The following ABL2 variants were observed in gnomAD, a reference collection of about 807,000 sequenced individuals.
The protein encoded by ABL2 is ABL proto-oncogene 2, non-receptor tyrosine kinase.
A neutral mutation model predicts 107.7 loss-of-function variants in ABL2; 49 were observed. The ratio of observed to expected loss-of-function variants is 0.45; its 90% confidence interval spans 0.36 to 0.58. The LOEUF (loss-of-function observed/expected upper bound fraction) is 0.58, where lower values mean the gene tolerates loss of function less well. ABL2 is among the 20% of genes least tolerant of loss of function. The pLI is 0.00. For synonymous variants in ABL2, 549 were observed against 548.6 expected (o/e 1.00, Z -0.01); for missense variants, 1,245 against 1,457.0 (o/e 0.85, Z 2.37).
At chr1:179,194,995 C>T (rs745922040) in intron 1 of ABL2, among the ~76,000 whole-genome samples, 7 of 151,958 alleles carry the variant, frequency 4.6e-5, no homozygotes, top group Non-Finnish European at 5.9e-5. Context: ...CATATCAAAA[C>T]GACAATGAGA....
At chr1:179,128,304 A>C (rs535698752) in intron 3 of ABL2, among the ~76,000 whole-genome samples, 145 of 152,230 alleles carry the variant, frequency 9.5e-4, no homozygotes, top group Non-Finnish European at 1.8e-3. Context: ...GTGGATATGC[A>C]TAAGTGCACA....
chr1:179,170,058 A>G (rs913648576), intron 1 of ABL2, among the ~76,000 whole-genome samples: 3 of 152,112 alleles, frequency 2.0e-5, no homozygotes, highest in Non-Finnish European at 4.4e-5. Context: ...ACAACAAAAC[A>G]TGTTTATTTG....
chr1:179,225,900 C>T (rs142969095), intron 1 of ABL2, among the ~76,000 whole-genome samples: 9,052 of 151,606 alleles, frequency 0.06, 376 homozygotes, highest in South Asian at 0.081. Context: ...AAAAATTAGC[C>T]GGGCGTGGTG....
intron 1 of ABL2, among the ~76,000 whole-genome samples, chr1:179,204,563 T>C (rs1193862920): frequency 6.6e-6 from 1 of 151,044 alleles, no homozygotes; most frequent in Non-Finnish European, 1.5e-5. Context: ...CTGGCCAACA[T>C]GGCAAAACCC....
At chr1:179,132,267 C>A (rs1362069167) in intron 2 of ABL2, among the ~76,000 whole-genome samples, 1 of 152,118 alleles carries the variant, frequency 6.6e-6, no homozygotes. Flanking sequence ...GTGGTCCAAG[C>A]CTTTTACGAC....
At chr1:179,180,091 G>C (rs1190354295) in intron 1 of ABL2, among the ~76,000 whole-genome samples, 3 of 151,422 alleles carry the variant, frequency 2.0e-5, no homozygotes, top group Admixed American at 6.6e-5. Flanking sequence ...CTGCACTCCA[G>C]CCTGGGTGAC....
At chr1:179,125,862 G>A (rs1655678908) in intron 4 of ABL2, among the ~76,000 whole-genome samples, 1 of 152,204 alleles carries the variant, frequency 6.6e-6, no homozygotes, top group Non-Finnish European at 1.5e-5. Context: ...TTTATAATGT[G>A]TAAACACACT....
In ABL2 at chr1:179,109,135, T is replaced by G. The variant is rs1197519973; in HGVS notation, c.2132A>C (p.Asn711Thr). 1 of 1,598,250 alleles carries G rather than the reference T, an allele frequency of 6.3e-7. No individual in the cohort carries two copies. The highest frequency in any genetic ancestry group is 8.5e-7 in the Non-Finnish European group (1 of 1,174,132). ...CCCATAGCACTTGGGTGGCACCAGA[T>G]TCGCCTCTTGCTGGGCAGGAGTGAA... ...FSFTPAQQEA[N>T]LVPPKCYGGS... The change falls in exon 12 of 12, where the codon AAT (asparagine) becomes ACT (threonine). Residue 711 changes from asparagine to threonine, a missense_variant. Coordinates refer to ENST00000502732, the MANE Select transcript of ABL2 (RefSeq NM_007314.4).
At chr1:179,213,891 A>G (rs1662420079) in intron 1 of ABL2, among the ~76,000 whole-genome samples, 1 of 152,170 alleles carries the variant, frequency 6.6e-6, no homozygotes, top group Non-Finnish European at 1.5e-5. Context: ...GTGAGCTATG[A>G]TCATGCTACT....
chr1:179,227,879 C>T (rs1241224713), intron 1 of ABL2, among the ~76,000 whole-genome samples: 3 of 151,630 alleles, frequency 2.0e-5, no homozygotes, highest in African/African-American at 7.3e-5. Context: ...AGAGAAACCC[C>T]ACCCTACTAA....
At chr1:179,182,314 C>T (rs564308123) in intron 1 of ABL2, among the ~76,000 whole-genome samples, 122 of 152,252 alleles carry the variant, frequency 8.0e-4, no homozygotes, top group Non-Finnish European at 1.6e-3. Context: ...AGCTGACTGG[C>T]CTCACTTTTA....
chr1:179,173,783 TTAAG>T (rs1171167283), intron 1 of ABL2, among the ~76,000 whole-genome samples: 2 of 152,174 alleles, frequency 1.3e-5, no homozygotes, highest in Non-Finnish European at 1.5e-5. Context: ...GGACATATTA[TTAAG>T]TATTATATCA....
intron 4 of ABL2, among the ~76,000 whole-genome samples, chr1:179,124,707 G>T (rs565431222): frequency 6.6e-6 from 1 of 151,848 alleles, no homozygotes; most frequent in Non-Finnish European, 1.5e-5. Context: ...CAGTGATGAG[G>T]CCCACCTCGG....
chr1:179,123,549 A>G (rs1655430987), intron 4 of ABL2, among the ~76,000 whole-genome samples: 1 of 152,186 alleles, frequency 6.6e-6, no homozygotes, highest in South Asian at 2.1e-4. Context: ...ATTGCTTACA[A>G]AATAGTTGTT....
intron 7 of ABL2, among the ~76,000 whole-genome samples, chr1:179,117,721 C>T (rs895495772): frequency 6.6e-6 from 1 of 152,144 alleles, no homozygotes; most frequent in Non-Finnish European, 1.5e-5. Flanking sequence ...ATAAAGCAGG[C>T]TTTATAAAAT....
At position 179,212,729 on chromosome 1, in the gene ABL2, G is replaced by A. The variant is rs546746248; in HGVS notation, c.157+16512C>T. ...GCCTGAGCAACAAGGGCAAAACTCC[G>A]TCTCAAAAAAAAAAGAAAGAAATAC... On this transcript the variant is annotated intron_variant, in intron 1 of 11. Coordinates refer to ENST00000502732, the MANE Select transcript of ABL2 (RefSeq NM_007314.4). 1.0e-4 allele frequency among the ~76,000 whole-genome samples: 15 copies of A among 146,284 alleles called. No individual in the cohort carries two copies. The East Asian group carries it at 1.8e-3, about 18-fold the overall frequency.
Position 179,108,372 on chromosome 1 carries a change from C to G in ABL2, c.2895G>C (p.Gln965His), listed in dbSNP as rs767751497. Residue 965 changes from glutamine (Q) to histidine (H), a missense_variant, in exon 12 of 12, where the codon CAG becomes CAC. Gln to His is a conservative substitution (Grantham distance 24). This residue lies in a region of ABL2 where 761 missense variants were observed against 766.4 expected (regional missense o/e 0.99). Transcript: ENST00000502732. Reference protein sequence around the residue: ...GNKFKLLSEHQVTSSGDKDRP... With the variant: ...GNKFKLLSEHHVTSSGDKDRP... ...GGTCCTTGTCTCCAGAGGATGTGAC[C>G]TGATGCTCAGATAAGAGCTTGAATT... The G allele has an allele frequency of 4.3e-6, 7 of 1,614,120 alleles. No homozygotes were observed. In the East Asian group the frequency reaches 1.3e-4, roughly 31 times the overall value.
At position 179,109,351 on chromosome 1, in the gene ABL2, G is replaced by C; in HGVS notation, c.1916C>G (p.Ala639Gly). The C allele has an allele frequency of 6.2e-7, 1 of 1,614,078 alleles. No individual in the cohort carries two copies. Among genetic ancestry groups the C allele is most frequent in the Non-Finnish European group, 8.5e-7 (1 of 1,180,024 alleles). The change falls in exon 12 of 12, where the codon GCC (alanine) becomes GGC (glycine). Residue 639 changes from alanine (A) to glycine (G), a missense_variant. This residue lies in a region of ABL2 where 761 missense variants were observed against 766.4 expected (regional missense o/e 0.99). Transcript: ENST00000502732. ...DKSPSSLLEDAKETCFTRDRK... is the reference protein window; with the variant it reads ...DKSPSSLLEDGKETCFTRDRK... ...ATCCCTGGTGAAGCATGTCTCTTTG[G>C]CATCTTCCAAGAGGCTGCTGGGTGA... is the stretch of plus-strand genomic sequence containing the variant.
chr1:179,145,329 A>G (rs1471416015), intron 1 of ABL2, among the ~76,000 whole-genome samples: 1 of 152,228 alleles, frequency 6.6e-6, no homozygotes, highest in East Asian at 1.9e-4. Context: ...ATAATTAAAA[A>G]TTAAAATTAC....
Sources: gnomAD v4.1 joint callset for allele counts (sites outside exome capture counted in the v4.1 genomes callset) on GRCh38, gnomAD v4.1.1 for gene constraint, gnomAD v4.1.1 regional missense constraint, MANE v1.5 for transcripts, NCBI Gene and HGNC (gene_info 2026-07-23, HGNC 2026-07-21) for gene names.